ARHGAP26: variants seen among roughly 807,000 people sequenced by gnomAD.
The protein encoded by ARHGAP26 is rho GTPase-activating protein 26.
A neutral mutation model predicts 104.8 loss-of-function variants in ARHGAP26; 38 were observed. The ratio of observed to expected loss-of-function variants is 0.36; its 90% confidence interval spans 0.28 to 0.48. The LOEUF (loss-of-function observed/expected upper bound fraction) is 0.48, where lower values mean the gene tolerates loss of function less well. ARHGAP26 is among the 20% of genes least tolerant of loss of function. The probability of loss-of-function intolerance (pLI) is 0.99; values close to 1 mark genes in which losing one functional copy is unlikely to be tolerated. For missense variants in ARHGAP26, 704 were observed against 947.9 expected, an observed-to-expected ratio of 0.74 and a Z score of 3.38; for synonymous variants, 341 against 340.0, an observed-to-expected ratio of 1.00 and a Z score of -0.03.
intron 11 of ARHGAP26, among the ~76,000 whole-genome samples, chr5:143,004,996 GCA>G (rs768795371): frequency 6.6e-6 from 1 of 152,138 alleles, no homozygotes; most frequent in Non-Finnish European, 1.5e-5. Flanking sequence ...AAGGATGACA[GCA>G]CAGTTTCTCG....
intron 22 of ARHGAP26, among the ~76,000 whole-genome samples, chr5:143,218,593 T>C (rs1810696873): frequency 6.6e-6 from 1 of 152,214 alleles, no homozygotes; most frequent in African/African-American, 2.4e-5. Context: ...CAGGGATGTA[T>C]GGTGTACATG....
intron 12 of ARHGAP26, among the ~76,000 whole-genome samples, chr5:143,036,143 T>A (rs1387981524): frequency 6.6e-6 from 1 of 152,192 alleles, no homozygotes; most frequent in African/African-American, 2.4e-5. Context: ...AGTTTATTAC[T>A]TTCCCTGAGA....
chr5:143,054,391 A>T, intron 14 of ARHGAP26, 48 bp from the exon 15 acceptor site: 1 of 1,337,144 alleles, frequency 7.5e-7, no homozygotes, highest in Non-Finnish European at 1.0e-6. Context: ...CTTATTTATT[A>T]GTTCCATTTT....
chr5:143,039,322 C>G (rs1268480472), intron 13 of ARHGAP26, among the ~76,000 whole-genome samples: 1 of 149,936 alleles, frequency 6.7e-6, no homozygotes, highest in East Asian at 2.0e-4. Flanking sequence ...ATTCTCCTAC[C>G]TCAGCCTCCT....
intron 11 of ARHGAP26, among the ~76,000 whole-genome samples, chr5:142,960,510 T>G (rs972965637): frequency 1.3e-5 from 2 of 152,250 alleles, no homozygotes; most frequent in Non-Finnish European, 2.9e-5. Context: ...TATCCATTAG[T>G]CACCTAGTAG....
At chr5:142,911,547 G>GT (rs1406164941) in intron 9 of ARHGAP26, among the ~76,000 whole-genome samples, 3 of 152,122 alleles carry the variant, frequency 2.0e-5, no homozygotes, top group African/African-American at 7.2e-5. Flanking sequence ...TCATTTACTT[G>GT]TTTAAGTGAT....
At chr5:142,783,424 T>A (rs915807855) in intron 1 of ARHGAP26, among the ~76,000 whole-genome samples, 3 of 152,196 alleles carry the variant, frequency 2.0e-5, no homozygotes, top group African/African-American at 7.2e-5. Context: ...GAGTCTTGGG[T>A]GCTCTTGTCA....
intron 11 of ARHGAP26, among the ~76,000 whole-genome samples, chr5:143,012,576 T>TATAA (rs1554195628): frequency 3.5e-5 from 2 of 57,042 alleles, no homozygotes; most frequent in African/African-American, 9.1e-5. Flanking sequence ...TATATATATA[T>TATAA]TATGATCAGG....
intron 11 of ARHGAP26, among the ~76,000 whole-genome samples, chr5:142,968,164 G>C (rs1417111963): frequency 6.6e-6 from 1 of 152,026 alleles, no homozygotes; most frequent in South Asian, 2.1e-4. Flanking sequence ...ACAACTCTAT[G>C]AGGTAGGTCG....
chr5:143,056,141 A>G (rs1461539256), intron 16 of ARHGAP26, 55 bp downstream of exon 16: 34 of 1,462,724 alleles, frequency 2.3e-5, no homozygotes, highest in Non-Finnish European at 3.2e-5. Context: ...TTCTATTTCA[A>G]AGAAGAGTCA....
intron 14 of ARHGAP26, 21 bp downstream of exon 14, chr5:143,041,911 G>C: frequency 6.4e-7 from 1 of 1,568,886 alleles, no homozygotes; most frequent in Non-Finnish European, 8.7e-7. Flanking sequence ...CAGTGGCTCT[G>C]CTAGGCAGGT....
chr5:142,958,236 C>A (rs1033796715), intron 11 of ARHGAP26, among the ~76,000 whole-genome samples: 7 of 152,120 alleles, frequency 4.6e-5, no homozygotes, highest in Admixed American at 3.3e-4. Context: ...GTTAACTCAG[C>A]TTTTATGCAA....
chr5:142,809,039 T>A (rs1157529403), intron 1 of ARHGAP26, among the ~76,000 whole-genome samples: 2 of 152,244 alleles, frequency 1.3e-5, no homozygotes, highest in Non-Finnish European at 2.9e-5. Context: ...TTTTAAGTCA[T>A]GAGCTTTGAC....
chr5:143,210,417 A>C (rs1809270207), intron 21 of ARHGAP26, among the ~76,000 whole-genome samples: 1 of 152,148 alleles, frequency 6.6e-6, no homozygotes, highest in South Asian at 2.1e-4. Context: ...GGGAGCTACA[A>C]GATGAGATTC....
intron 1 of ARHGAP26, among the ~76,000 whole-genome samples, chr5:142,780,325 C>G (rs1000913614): frequency 6.6e-6 from 1 of 152,186 alleles, no homozygotes; most frequent in African/African-American, 2.4e-5. Flanking sequence ...CCTGGCACCT[C>G]TGGCATGAGG....
At chr5:143,167,307 TAAAAAAA>T (rs35142931) in intron 20 of ARHGAP26, among the ~76,000 whole-genome samples, 52 of 96,900 alleles carry the variant, frequency 5.4e-4, no homozygotes, top group Non-Finnish European at 7.0e-4. Context: ...ATCTCTACTT[TAAAAAAA>T]AAAAAAAAAA....
chr5:142,867,962 A>C (rs1460969884), intron 1 of ARHGAP26: 1 of 152,098 alleles, frequency 6.6e-6, no homozygotes. Context: ...TTCTTTCTGC[A>C]ATACCTGCTC....
rs1403536602 is a variant in ARHGAP26, at chr5:143,224,009, C to T, written c.*1563C>T. 7 of 231,414 alleles carry T rather than the reference C, an allele frequency of 3.0e-5. No individual in the cohort carries two copies. The highest frequency in any genetic ancestry group is 1.8e-4 in the South Asian group (1 of 5,510). The allele number at this position is 231,414 out of a possible 1,614,324, so 14.3% of individuals were successfully genotyped here. On this transcript the variant is annotated 3_prime_UTR_variant, in exon 23 of 23. Transcript: ENST00000645722. The stretch of plus-strand genomic sequence containing the variant: ...TCCCCAGGAGCCCCTTGGATGGCAG[C>T]GTTGCTTCAGAGTGTTTCCTGTTTC...
Position 142,894,211 on chromosome 5 carries a change from T to G in ARHGAP26, c.487-27T>G, listed in dbSNP as rs1323874352. ...CTATCCTTGGGTAGTGACTTGATTT[T>G]TCTCTTAAATTCCATCTTGTTTGTA... On this transcript the variant is annotated intron_variant, in intron 5 of 22. Transcript: ENST00000645722. 5 of 1,603,410 alleles carry G rather than the reference T, an allele frequency of 3.1e-6. No individual in the cohort carries two copies. In the African/African-American group the frequency reaches 6.7e-5, roughly 21 times the overall value.
Sources: gnomAD v4.1 joint callset for allele counts (sites outside exome capture counted in the v4.1 genomes callset) on GRCh38, gnomAD v4.1.1 for gene constraint, MANE v1.5 for transcripts, NCBI Gene and HGNC (gene_info 2026-07-23, HGNC 2026-07-21) for gene names.